Variants in GMDS observed in about 807,000 individuals in gnomAD.
GMDS encodes the protein GDP-mannose 4,6 dehydratase.
GMDS carries 20 observed loss-of-function variants against 49.9 expected under a neutral mutation model. That is an observed-to-expected ratio of 0.40 (90% CI 0.28 to 0.58). The LOEUF (loss-of-function observed/expected upper bound fraction) is 0.58, where lower values mean the gene tolerates loss of function less well. Ranked by LOEUF, GMDS falls within the 20% of genes least tolerant of loss-of-function variation. GMDS has a pLI of 0.42. For synonymous variants in GMDS, 177 were observed against 178.6 expected (o/e 0.99, Z 0.07); for missense variants, 362 against 481.4 (o/e 0.75, Z 2.32).
intron 9 of GMDS, among the ~76,000 whole-genome samples, chr6:1,657,104 G>C (rs1021632715): frequency 6.6e-6 from 1 of 152,184 alleles, no homozygotes; most frequent in African/African-American, 2.4e-5. Context: ...GGCTCCTTGG[G>C]AGCCTTGGTC....
chr6:2,103,930 T>C (rs1409112745), intron 4 of GMDS, among the ~76,000 whole-genome samples: 1 of 152,214 alleles, frequency 6.6e-6, no homozygotes, highest in Non-Finnish European at 1.5e-5. Flanking sequence ...AAACCCAGTA[T>C]GGGGACTGAA....
chr6:1,778,832 C>G lies in GMDS; in HGVS notation c.772-36246G>C, dbSNP rs968748419. Among the ~76,000 whole-genome samples the G allele has an allele frequency of 5.9e-5, 9 of 152,022 alleles. No individual in the cohort carries two copies. Among genetic ancestry groups the G allele is most frequent in the Admixed American group, 3.9e-4 (6 of 15,274 alleles). On this transcript the variant is annotated intron_variant, in intron 7 of 10. Coordinates refer to ENST00000380815, the MANE Select transcript of GMDS (RefSeq NM_001500.4). This position sits in a 1 kb window ranked among gnomAD's most constrained non-coding sequence, Gnocchi z 4.6. ...CAGCTCTGCAGTCAGAACTTGGCCCCTTGCATTTTCTTGTTTTTTTTTTCT... is the reference window on the plus strand; with the variant it reads ...CAGCTCTGCAGTCAGAACTTGGCCCGTTGCATTTTCTTGTTTTTTTTTTCT...
At chr6:1,786,302 T>C (rs1769319192) in intron 7 of GMDS, among the ~76,000 whole-genome samples, 1 of 152,170 alleles carries the variant, frequency 6.6e-6, no homozygotes, top group African/African-American at 2.4e-5. Context: ...AATGCCTCAG[T>C]AAAAAGCATC....
At chr6:1,957,044 TC>T (rs1763677123) in intron 6 of GMDS, among the ~76,000 whole-genome samples, 2 of 152,080 alleles carry the variant, frequency 1.3e-5, no homozygotes, top group Non-Finnish European at 2.9e-5. Flanking sequence ...CTTAAGTGAT[TC>T]ACCTGCCTCG....
chr6:2,006,636 T>C (rs1394408282), intron 4 of GMDS, among the ~76,000 whole-genome samples: 1 of 152,218 alleles, frequency 6.6e-6, no homozygotes, highest in Non-Finnish European at 1.5e-5. Flanking sequence ...TATGTTTCTA[T>C]ATTAGCTGAA....
At chr6:1,840,220 T>C (rs998688869) in intron 7 of GMDS, among the ~76,000 whole-genome samples, 7 of 152,188 alleles carry the variant, frequency 4.6e-5, no homozygotes, top group African/African-American at 1.7e-4. Context: ...TGAATGCTAT[T>C]CTGTTGAGAC....
chr6:1,674,086 A>T (rs1357893656), intron 9 of GMDS, among the ~76,000 whole-genome samples: 1 of 151,962 alleles, frequency 6.6e-6, no homozygotes, highest in East Asian at 1.9e-4. Flanking sequence ...CCATCGTGCT[A>T]TTTATGAAAT....
chr6:2,111,741 T>C (rs1388274132), intron 4 of GMDS, among the ~76,000 whole-genome samples: 1 of 152,164 alleles, frequency 6.6e-6, no homozygotes, highest in Non-Finnish European at 1.5e-5. Context: ...AACAAGAAAT[T>C]TAATTAATCT....
In GMDS at chr6:1,880,133, C is replaced by T. The variant is rs571275903; in HGVS notation, c.771+49970G>A. On this transcript the variant is annotated intron_variant, in intron 7 of 10. Transcript: ENST00000380815. ...AATAAAAAGAAGAGGAAGGTAAAGTCACAAAAGTATTTTACTGTTATAAAA... is the reference window on the plus strand; with the variant it reads ...AATAAAAAGAAGAGGAAGGTAAAGTTACAAAAGTATTTTACTGTTATAAAA... Among the ~76,000 whole-genome samples the T allele has an allele frequency of 4.6e-5, 7 of 151,940 alleles. No homozygotes were observed. In the East Asian group the frequency reaches 1.4e-3, roughly 29 times the overall value.
chr6:1,860,219 G>A (rs1217441956), intron 7 of GMDS, among the ~76,000 whole-genome samples: 2 of 152,208 alleles, frequency 1.3e-5, no homozygotes, highest in East Asian at 3.9e-4. Flanking sequence ...ATCTTATAAT[G>A]AAGTTCTATG....
intron 1 of GMDS, among the ~76,000 whole-genome samples, chr6:2,131,109 T>G (rs550459629): frequency 6.6e-6 from 1 of 152,300 alleles, no homozygotes; most frequent in South Asian, 2.1e-4. Flanking sequence ...TCAGTCTCTT[T>G]TATATTGCAA....
chr6:1,929,710 G>GT (rs1441876127), intron 7 of GMDS, among the ~76,000 whole-genome samples: 2 of 152,152 alleles, frequency 1.3e-5, no homozygotes, highest in Non-Finnish European at 2.9e-5. Context: ...GTAGAATAAT[G>GT]TAAGTCCAAG....
At chr6:1,847,545 T>C (rs1757464729) in intron 7 of GMDS, among the ~76,000 whole-genome samples, 1 of 152,216 alleles carries the variant, frequency 6.6e-6, no homozygotes, top group Non-Finnish European at 1.5e-5. Context: ...CCCTTGCACA[T>C]GTCCCATGCT....
intron 8 of GMDS, among the ~76,000 whole-genome samples, chr6:1,728,117 G>A (rs374552938): frequency 1.1e-4 from 17 of 152,114 alleles, no homozygotes; most frequent in African/African-American, 4.1e-4. Context: ...GATTGAAAGC[G>A]TTTTAAAACA....
chr6:2,159,433 GACAAA>G (rs1412031467), intron 1 of GMDS, among the ~76,000 whole-genome samples: 1 of 151,114 alleles, frequency 6.6e-6, no homozygotes, highest in Non-Finnish European at 1.5e-5. Context: ...GAGAGTAAAT[GACAAA>G]ACAGACTAAT....
chr6:1,849,406 A>G (rs922833785), intron 7 of GMDS, among the ~76,000 whole-genome samples: 2 of 152,214 alleles, frequency 1.3e-5, no homozygotes, highest in Non-Finnish European at 2.9e-5. Flanking sequence ...TCATGAATGA[A>G]CACAGGGGAG....
intron 1 of GMDS, among the ~76,000 whole-genome samples, chr6:2,174,769 A>G (rs1016091888): frequency 1.3e-5 from 2 of 152,060 alleles, no homozygotes; most frequent in Non-Finnish European, 2.9e-5. Context: ...GGATTGCACC[A>G]TGTTGGCCAG....
intron 7 of GMDS, among the ~76,000 whole-genome samples, chr6:1,747,467 C>T (rs561088544): frequency 0.023 from 112 of 4,972 alleles, 1 homozygote; most frequent in Middle Eastern, 0.071. Flanking sequence ...ACTACACACA[C>T]ACACACGCTC....
intron 7 of GMDS, among the ~76,000 whole-genome samples, chr6:1,861,317 TAAACA>T (rs1379108519): frequency 2.6e-5 from 4 of 152,092 alleles, no homozygotes; most frequent in African/African-American, 9.7e-5. Flanking sequence ...GAAACATATT[TAAACA>T]AAACAAAAGA....
Sources: gnomAD v4.1 joint callset for allele counts (sites outside exome capture counted in the v4.1 genomes callset) on GRCh38, gnomAD v4.1.1 for gene constraint, Gnocchi (gnomAD v3.1) non-coding constraint, MANE v1.5 for transcripts, NCBI Gene and HGNC (gene_info 2026-07-23, HGNC 2026-07-21) for gene names.